DNAH10: variants seen among roughly 807,000 people sequenced by gnomAD.
DNAH10 encodes the protein dynein axonemal heavy chain 10.
A neutral mutation model predicts 506.6 loss-of-function variants in DNAH10; 348 were observed. That is an observed-to-expected ratio of 0.69 (90% confidence interval 0.63 to 0.75). The LOEUF is 0.75. DNAH10 is among the 30% of genes least tolerant of loss of function. The pLI, the probability that DNAH10 is intolerant of heterozygous loss-of-function variation, is 0.00. For synonymous variants in DNAH10, 2,059 were observed against 2,198.6 expected (o/e 0.94, Z 1.78); for missense variants, 5,179 against 5,787.1 (o/e 0.89, Z 3.41).
chr12:123,851,904 T>C (rs1449779836), intron 35 of DNAH10, among the ~76,000 whole-genome samples: 1 of 152,110 alleles, frequency 6.6e-6, no homozygotes, highest in African/African-American at 2.4e-5. Flanking sequence ...CTCCTGAGTA[T>C]TTGGGACCAC....
chr12:123,779,775 C>T (rs1384291171), intron 5 of DNAH10, among the ~76,000 whole-genome samples: 1 of 152,040 alleles, frequency 6.6e-6, no homozygotes, highest in Admixed American at 6.6e-5. Flanking sequence ...TTGGGCAGCT[C>T]TACAAATCCA....
At chr12:123,841,287 G>A (rs2136616167) in intron 29 of DNAH10, 35 bp from the exon 30 acceptor site, 2 of 1,606,770 alleles carry the variant, frequency 1.2e-6, no homozygotes, top group East Asian at 2.2e-5. Flanking sequence ...AGAACTCCGT[G>A]CAGGTCTTAC....
At chr12:123,771,488 G>T in intron 2 of DNAH10, 113 bp from the exon 3 acceptor site, 1 of 827,608 alleles carries the variant, frequency 1.2e-6, no homozygotes, top group Non-Finnish European at 2.0e-6. Context: ...ACAGCTATTT[G>T]ATAACTCGCC....
At position 123,846,225 on chromosome 12, in the gene DNAH10, T is replaced by A. The variant is rs533307835; in HGVS notation, c.5814+71T>A. The A allele has an allele frequency of 6.6e-7, 1 of 1,514,820 alleles. No homozygotes were observed. The highest frequency in any genetic ancestry group is 2.3e-5 in the East Asian group (1 of 43,860). The allele number at this position is 1,514,820 out of a possible 1,614,324, so 93.8% of individuals were successfully genotyped here. A position where few individuals can be genotyped will look rare whatever the true frequency, so the allele number is the denominator to read the frequency against. ...GGGCATTTTCTCTAAGCTTGAGGTGTGATGACTGCAGTGATTGAAATAGCA... is the reference window on the plus strand; with the variant it reads ...GGGCATTTTCTCTAAGCTTGAGGTGAGATGACTGCAGTGATTGAAATAGCA... On this transcript the variant is annotated intron_variant, in intron 32 of 78. Transcript: ENST00000673944. This position sits in a 1 kb window ranked among gnomAD's most constrained non-coding sequence, Gnocchi z 4.5.
rs1259490769 is a variant in DNAH10 at position 123,903,997 on chromosome 12, T to C, written c.9815+884T>C. On this transcript the variant is annotated intron_variant, in intron 57 of 78. Coordinates refer to ENST00000673944, the MANE Select transcript of DNAH10 (RefSeq NM_001372106.1). This position sits in a 1 kb window ranked among gnomAD's most constrained non-coding sequence, Gnocchi z 4.6. ...CCATTCTGGGCTCCCGCTGGAGCGGTGCATGTTCCCTGTGCTTCCTATTTC... is the reference window on the plus strand; with the variant it reads ...CCATTCTGGGCTCCCGCTGGAGCGGCGCATGTTCCCTGTGCTTCCTATTTC... Among the ~76,000 whole-genome samples, 2 of 152,180 alleles carry C rather than the reference T, an allele frequency of 1.3e-5. No homozygotes were observed. The highest frequency in any genetic ancestry group is 4.8e-5 in the African/African-American group (2 of 41,440).
At chr12:123,773,129 A>G (rs1957320139) in intron 4 of DNAH10, among the ~76,000 whole-genome samples, 187 bp downstream of exon 4, 1 of 152,226 alleles carries the variant, frequency 6.6e-6, no homozygotes, top group Non-Finnish European at 1.5e-5. Context: ...GAAGTGTTAG[A>G]GATAAAGAAA....
intron 61 of DNAH10, 140 bp downstream of exon 61, chr12:123,914,690 G>A: frequency 7.2e-7 from 1 of 1,385,976 alleles, no homozygotes; most frequent in Non-Finnish European, 9.6e-7. Context: ...AAGTGGCCGG[G>A]CAAGCTGCAA....
rs200619594 is a variant in DNAH10, at chr12:123,845,752, A to G, written c.5513A>G (p.Asp1838Gly). The G allele has an allele frequency of 1.2e-6, 2 of 1,613,924 alleles. No homozygotes were observed. The highest frequency in any genetic ancestry group is 2.7e-5 in the African/African-American group (2 of 75,030). The change falls in exon 31 of 79, where the codon GAT (aspartate) becomes GGT (glycine). Residue 1838 changes from aspartate to glycine, a missense_variant. By Grantham distance (94) the Asp-to-Gly change is moderately conservative. Transcript: ENST00000673944. Reference sequence around the variant, plus strand: ...GGCAGGAAAATGCACCGGCAGATCGATGAGTTGGTAACGCGCATCACCATG... The same window carrying G: ...GGCAGGAAAATGCACCGGCAGATCGGTGAGTTGGTAACGCGCATCACCATG... ...NYGRKMHRQI[D>G]ELVTRITMPL...
In DNAH10 at chr12:123,845,761, T is replaced by G; in HGVS notation, c.5522T>G (p.Val1841Gly). ...RKMHRQIDEL[V>G]TRITMPLSKN... ...ATGCACCGGCAGATCGATGAGTTGG[T>G]AACGCGCATCACCATGCCGCTAAGC... The change falls in exon 31 of 79, where the codon GTA becomes GGA. Residue 1841 changes from valine (V) to glycine (G), a missense_variant. Physicochemically the swap from Val to Gly is moderately radical, Grantham distance 109 (BLOSUM62 -3). Transcript: ENST00000673944. 6.2e-7 allele frequency: 1 copy of G among 1,613,956 alleles called. No homozygotes were observed. The highest frequency in any genetic ancestry group is 8.5e-7 in the Non-Finnish European group (1 of 1,179,878).
rs1950956786 is a variant in DNAH10 at position 123,846,525 on chromosome 12, T to C, written c.5814+371T>C. ...CGTTCAAGTGAACGGCCTTGGATGA[T>C]AGAGATAGTGTCTCCCTCCAGGACA... On this transcript the variant is annotated intron_variant, in intron 32 of 78. Transcript: ENST00000673944. This position sits in a 1 kb window ranked among gnomAD's most constrained non-coding sequence, Gnocchi z 4.5. 6.6e-6 allele frequency among the ~76,000 whole-genome samples: 1 copy of C among 152,206 alleles called. No homozygotes were observed. The highest frequency in any genetic ancestry group is 1.5e-5 in the Non-Finnish European group (1 of 68,038).
At chr12:123,848,942 A>G (rs1951059616) in intron 34 of DNAH10, 60 bp downstream of exon 34, 2 of 1,585,184 alleles carry the variant, frequency 1.3e-6, no homozygotes, top group East Asian at 2.3e-5. Flanking sequence ...CAAGTATGGT[A>G]AGCTTCCTCT....
At chr12:123,874,799 C>T (rs941510015) in intron 46 of DNAH10, among the ~76,000 whole-genome samples, 3 of 152,190 alleles carry the variant, frequency 2.0e-5, no homozygotes, top group African/African-American at 7.2e-5. Flanking sequence ...GCAGAAGTGT[C>T]GATGTGTGGA....
chr12:123,931,011 C>T (rs887721721), intron 73 of DNAH10, among the ~76,000 whole-genome samples: 40 of 151,892 alleles, frequency 2.6e-4, no homozygotes, highest in African/African-American at 9.7e-4. Flanking sequence ...AGCAAGATCC[C>T]ATCTCTACAA....
chr12:123,828,344 T>A (rs893035813), intron 25 of DNAH10, among the ~76,000 whole-genome samples: 5 of 152,076 alleles, frequency 3.3e-5, no homozygotes, highest in African/African-American at 1.2e-4. Context: ...ACAGGTTTAT[T>A]TTAGAGAAAA....
At chr12:123,813,084 A>G (rs1346678027) in intron 19 of DNAH10, 80 bp from the exon 20 acceptor site, 3 of 978,116 alleles carry the variant, frequency 3.1e-6, no homozygotes, top group African/African-American at 3.3e-5. Flanking sequence ...GGCAAGACTT[A>G]TTACTGAATA....
intron 23 of DNAH10, among the ~76,000 whole-genome samples, chr12:123,820,036 A>T (rs1161759270): frequency 6.6e-6 from 1 of 152,188 alleles, no homozygotes; most frequent in East Asian, 1.9e-4. Context: ...GAATTTGGTA[A>T]ATACCATGAG....
rs372472179 is a variant in DNAH10 at position 123,833,132 on chromosome 12, G to A, written c.4564G>A (p.Asp1522Asn). 1.9e-6 allele frequency: 3 copies of A among 1,611,468 alleles called. No homozygotes were observed. The highest frequency in any genetic ancestry group is 1.7e-5 in the Admixed American group (1 of 59,728). The change falls in exon 27 of 79, where the codon GAC becomes AAC. Residue 1522 changes from aspartate to asparagine, a missense_variant. Physicochemically the swap from Asp to Asn is conservative, Grantham distance 23. This residue lies in a region of DNAH10 where 4,844 missense variants were observed against 5,430.5 expected (regional missense o/e 0.89). Transcript: ENST00000673944. ...TGAACAGGCTGTGAAGGAAATCCTA[G>A]ACACGTGGGAAAATATGAAATTCAC... ...AIEKAVKEILDTWENMKFTVV... is the reference protein window; with the variant it reads ...AIEKAVKEILNTWENMKFTVV...
At chr12:123,771,484 A>G (rs530491331) in intron 2 of DNAH10, 117 bp from the exon 3 acceptor site, 2 of 792,672 alleles carry the variant, frequency 2.5e-6, no homozygotes, top group East Asian at 2.7e-5. Context: ...ATGCACAGCT[A>G]TTTGATAACT....
intron 43 of DNAH10, 133 bp downstream of exon 43, chr12:123,868,252 A>G: frequency 1.2e-6 from 1 of 827,054 alleles, no homozygotes; most frequent in Non-Finnish European, 1.9e-6. Flanking sequence ...AGAAACATGC[A>G]ATGGTCAGAG....
Sources: allele counts gnomAD v4.1 joint callset (sites outside exome capture counted in the v4.1 genomes callset), GRCh38; gene constraint gnomAD v4.1.1; regional missense constraint gnomAD v4.1.1; non-coding constraint Gnocchi (gnomAD v3.1); transcripts MANE v1.5; gene names NCBI Gene and HGNC (gene_info 2026-07-23, HGNC 2026-07-21).